The following AGBL1 variants were observed in gnomAD, a reference collection of about 807,000 sequenced individuals.
The protein encoded by AGBL1 is AGBL carboxypeptidase 1, also known as cytosolic carboxypeptidase 4.
AGBL1 carries 130 observed loss-of-function variants against 118.9 expected under a neutral mutation model. That is an observed-to-expected ratio of 1.09 (90% CI 0.95 to 1.26). The LOEUF (loss-of-function observed/expected upper bound fraction) is 1.26. AGBL1 is among the 50% of genes most tolerant of loss of function. AGBL1 has a pLI of 0.00. For synonymous variants in AGBL1, 555 were observed against 478.9 expected (o/e 1.16, Z -2.08); for missense variants, 1,584 against 1,298.1 (o/e 1.22, Z -3.38).
chr15:86,881,141 G>A (rs2079885851), intron 22 of AGBL1, among the ~76,000 whole-genome samples: 1 of 152,152 alleles, frequency 6.6e-6, no homozygotes, highest in Non-Finnish European at 1.5e-5. Context: ...TTGCAACATG[G>A]GGAGTCTAGG....
chr15:86,780,962 C>T (rs1366525921), intron 22 of AGBL1, among the ~76,000 whole-genome samples: 1 of 152,182 alleles, frequency 6.6e-6, no homozygotes, highest in Admixed American at 6.5e-5. Flanking sequence ...GCCACTGCAC[C>T]TGGAATTTAA....
chr15:86,457,278 A>T (rs935776406), intron 18 of AGBL1, among the ~76,000 whole-genome samples: 1 of 152,024 alleles, frequency 6.6e-6, no homozygotes, highest in Non-Finnish European at 1.5e-5. Context: ...AACAAACTCC[A>T]TTTTTTTTGT....
intron 22 of AGBL1, among the ~76,000 whole-genome samples, chr15:86,814,938 A>C (rs547769812): frequency 6.6e-6 from 1 of 152,342 alleles, no homozygotes; most frequent in East Asian, 1.9e-4. Flanking sequence ...CTTAGTAGAA[A>C]TGTACGAATA....
intron 24 of AGBL1, among the ~76,000 whole-genome samples, chr15:87,005,630 T>C (rs1326268759): frequency 1.3e-5 from 2 of 152,200 alleles, no homozygotes; most frequent in Non-Finnish European, 2.9e-5. Flanking sequence ...TTGCCATGGG[T>C]TCGAACTTCC....
chr15:86,089,489 C>T (rs1282456809), intron 1 of AGBL1, among the ~76,000 whole-genome samples: 2 of 152,034 alleles, frequency 1.3e-5, no homozygotes, highest in Non-Finnish European at 2.9e-5. Context: ...GGCCATATGG[C>T]GATAAGGATA....
chr15:86,270,304 G>A (rs772364456), intron 14 of AGBL1, among the ~76,000 whole-genome samples: 14 of 152,210 alleles, frequency 9.2e-5, no homozygotes, highest in South Asian at 6.2e-4. Flanking sequence ...GGATTCCCTC[G>A]CTCTACCTTG....
chr15:86,220,763 T>G (rs182128683), intron 5 of AGBL1, among the ~76,000 whole-genome samples: 5 of 152,326 alleles, frequency 3.3e-5, no homozygotes, highest in African/African-American at 9.6e-5. Context: ...TTCATTGATG[T>G]AAACATGGGG....
At chr15:86,182,076 A>G (rs1238472379) in intron 5 of AGBL1, among the ~76,000 whole-genome samples, 1 of 151,984 alleles carries the variant, frequency 6.6e-6, no homozygotes, top group Admixed American at 6.6e-5. Context: ...TGAGCATAGA[A>G]TGAGAGCATT....
chr15:86,628,083 G>C (rs1456794493), intron 21 of AGBL1, among the ~76,000 whole-genome samples: 1 of 152,192 alleles, frequency 6.6e-6, no homozygotes, highest in Non-Finnish European at 1.5e-5. Context: ...TAGTTCTGGG[G>C]AGAAGGCAGT....
chr15:86,247,637 C>T, intron 6 of AGBL1, 34 bp from the exon 7 acceptor site: 1 of 1,560,784 alleles, frequency 6.4e-7, no homozygotes, highest in East Asian at 2.4e-5. Flanking sequence ...TGTGGAGAGC[C>T]TGTGACTGAC....
intron 1 of AGBL1, among the ~76,000 whole-genome samples, chr15:86,107,216 C>G (rs1265647583): frequency 6.6e-6 from 1 of 152,196 alleles, no homozygotes; most frequent in African/African-American, 2.4e-5. Context: ...AGGAGAATTT[C>G]ACAAACAACT....
chr15:86,411,729 C>G (rs1040743971), intron 18 of AGBL1, among the ~76,000 whole-genome samples: 3 of 152,114 alleles, frequency 2.0e-5, no homozygotes, highest in Non-Finnish European at 4.4e-5. Flanking sequence ...AGAGACATAA[C>G]TCTTTTTGGC....
rs867696028 is a variant in AGBL1 at position 86,191,158 on chromosome 15, C to T, written c.488+32132C>T. On this transcript the variant is annotated intron_variant, in intron 5 of 22. Transcript: ENST00000614907. ...CAGGAGTTTGAGTCCAGCCTGGCAA[C>T]ATGGTGAAACCCCCCCTCCCTACTA... Among the ~76,000 whole-genome samples, 13 of 147,380 alleles carry T rather than the reference C, an allele frequency of 8.8e-5. No homozygotes were observed. The South Asian group carries it at 1.1e-3, about 12-fold the overall frequency.
chr15:86,396,410 T>A (rs928359414), intron 17 of AGBL1, among the ~76,000 whole-genome samples: 1 of 151,822 alleles, frequency 6.6e-6, no homozygotes, highest in Non-Finnish European at 1.5e-5. Context: ...ATCAGCACAT[T>A]CTCCATAAAG....
chr15:86,452,569 C>A (rs1188571751), intron 18 of AGBL1, among the ~76,000 whole-genome samples: 1 of 152,026 alleles, frequency 6.6e-6, no homozygotes, highest in Non-Finnish European at 1.5e-5. Context: ...ATGGTGCAAA[C>A]TTTACCTATC....
intron 19 of AGBL1, among the ~76,000 whole-genome samples, chr15:86,532,339 A>G (rs1480429078): frequency 6.6e-6 from 1 of 151,636 alleles, no homozygotes; most frequent in South Asian, 2.1e-4. Flanking sequence ...GAGCCAAATC[A>G]TGAGTGAACT....
intron 18 of AGBL1, among the ~76,000 whole-genome samples, chr15:86,469,300 GT>G (rs1369668286): frequency 1.6e-4 from 25 of 152,090 alleles, no homozygotes; most frequent in Admixed American, 1.6e-3. Context: ...TGAGTTAGAA[GT>G]TTTTTAGATT....
intron 21 of AGBL1, among the ~76,000 whole-genome samples, chr15:86,649,682 T>C (rs1381444957): frequency 2.8e-4 from 42 of 151,304 alleles, no homozygotes; most frequent in Admixed American, 2.8e-3. Context: ...TCTATCTTTT[T>C]AATGCACAGG....
At chr15:86,650,654 A>C (rs368884548) in intron 21 of AGBL1, among the ~76,000 whole-genome samples, 342 of 152,256 alleles carry the variant, frequency 2.2e-3, no homozygotes, top group African/African-American at 7.2e-3. Context: ...AAGAAAAAAA[A>C]CCCTGAATTT....
Sources: allele counts gnomAD v4.1 joint callset (sites outside exome capture counted in the v4.1 genomes callset), GRCh38; gene constraint gnomAD v4.1.1; transcripts MANE v1.5; gene names NCBI Gene and HGNC (gene_info 2026-07-23, HGNC 2026-07-21).